Variants in KIAA1549L observed in about 807,000 individuals in gnomAD.
The protein encoded by KIAA1549L is UPF0606 protein KIAA1549L.
Under a neutral mutation model 160.7 loss-of-function variants are expected in KIAA1549L, and 88 were observed. The ratio of observed to expected loss-of-function variants is 0.55; its 90% CI spans 0.46 to 0.65. The LOEUF is 0.65. Ranked by LOEUF, KIAA1549L falls within the 30% of genes least tolerant of loss-of-function variation. The pLI, the probability that KIAA1549L is intolerant of heterozygous loss-of-function variation, is 0.00. For missense variants in KIAA1549L, 2,258 were observed against 2,437.5 expected (o/e 0.93, Z 1.55); for synonymous variants, 950 against 976.7 (o/e 0.97, Z 0.51).
chr11:33,645,975 C>T lies in KIAA1549L; in HGVS notation c.5699C>T (p.Ala1900Val), dbSNP rs2133405929. Residue 1900 changes from alanine to valine, a missense_variant, in exon 17 of 21, where the codon GCC becomes GTC. By Grantham distance (64) the Ala-to-Val change is moderately conservative. This residue lies in a region of KIAA1549L where 1,359 missense variants were observed against 1,546.6 expected (regional missense o/e 0.88). Transcript: ENST00000658780. ...SAPGTMTRPRAGVQWVPTYRP... is the reference protein window; with the variant it reads ...SAPGTMTRPRVGVQWVPTYRP... ...CCGGGGACCATGACGCGGCCCAGGG[C>T]CGGGGTGCAGTGGGTGCCGACCTAC... 6.2e-7 allele frequency: 1 copy of T among 1,611,210 alleles called. No homozygotes were observed. Among genetic ancestry groups the T allele is most frequent in the Non-Finnish European group, 8.5e-7 (1 of 1,178,722 alleles).
chr11:33,530,431 AAAAAAATATATATATATATATATAT>A lies in KIAA1549L; in HGVS notation c.239-11369_239-11345del, dbSNP rs1441582018. ...AGAAGAAGGAAAAAAAAAAAAAAAAAAAAAAATATATATATATATATATATATATATATATATATATATATATATA... is the reference window on the plus strand; with the variant it reads ...AGAAGAAGGAAAAAAAAAAAAAAAAAATATATATATATATATATATATATA... On this transcript the variant is annotated intron_variant, in intron 1 of 20. Coordinates refer to ENST00000658780, the MANE Select transcript of KIAA1549L (RefSeq NM_012194.3). 3.7e-3 allele frequency among the ~76,000 whole-genome samples: 48 copies of A among 12,892 alleles called. 2 individuals carry two copies. The highest frequency in any genetic ancestry group is 0.01 in the African/African-American group (41 of 4,018). The allele number at this position is 12,892 out of a possible 152,430, so 8.5% of individuals were successfully genotyped here.
intron 1 of KIAA1549L, among the ~76,000 whole-genome samples, chr11:33,459,909 C>T (rs1215320777): frequency 1.4e-5 from 2 of 141,476 alleles, no homozygotes; most frequent in African/African-American, 5.4e-5. Context: ...TGCAGTGAGC[C>T]GAGATCCCGC....
intron 1 of KIAA1549L, among the ~76,000 whole-genome samples, chr11:33,535,195 T>C (rs1261563897): frequency 6.6e-6 from 1 of 152,156 alleles, no homozygotes; most frequent in Non-Finnish European, 1.5e-5. Context: ...AAGAGGCTGT[T>C]CATGGTTCCT....
At chr11:33,503,058 A>G (rs1316980754) in intron 1 of KIAA1549L, among the ~76,000 whole-genome samples, 1 of 152,260 alleles carries the variant, frequency 6.6e-6, no homozygotes, top group East Asian at 1.9e-4. Flanking sequence ...CTGTGTAATT[A>G]GCACCTAGAT....
intron 13 of KIAA1549L, among the ~76,000 whole-genome samples, chr11:33,604,797 G>T (rs956673218): frequency 6.6e-6 from 1 of 152,176 alleles, no homozygotes; most frequent in African/African-American, 2.4e-5. Flanking sequence ...TTTGGGGACA[G>T]AGGAGAGGGT....
intron 1 of KIAA1549L, among the ~76,000 whole-genome samples, chr11:33,462,552 A>G (rs896340000): frequency 9.9e-5 from 15 of 152,110 alleles, no homozygotes; most frequent in Non-Finnish European, 2.2e-4. Flanking sequence ...ATCTATGTCC[A>G]TCTTTACTGT....
At chr11:33,520,066 C>A (rs1590306035) in intron 1 of KIAA1549L, among the ~76,000 whole-genome samples, 1 of 152,048 alleles carries the variant, frequency 6.6e-6, no homozygotes, top group East Asian at 1.9e-4. Context: ...AAACCATCAT[C>A]ACTATCCATG....
At chr11:33,423,320 G>C (rs1851056763) in intron 1 of KIAA1549L, among the ~76,000 whole-genome samples, 1 of 152,158 alleles carries the variant, frequency 6.6e-6, no homozygotes. Flanking sequence ...TTATGGTAAA[G>C]CTTGGGTGGA....
chr11:33,542,881 A>C lies in KIAA1549L; in HGVS notation c.1318A>C (p.Thr440Pro). 1 of 1,614,002 alleles carries C rather than the reference A, an allele frequency of 6.2e-7. No homozygotes were observed. Among genetic ancestry groups the C allele is most frequent in the Non-Finnish European group, 8.5e-7 (1 of 1,179,894 alleles). The change falls in exon 2 of 21, where the codon ACT becomes CCT. Residue 440 changes from threonine (T) to proline (P), a missense_variant. Physicochemically the swap from Thr to Pro is conservative, Grantham distance 38. Coordinates refer to ENST00000658780, the MANE Select transcript of KIAA1549L (RefSeq NM_012194.3). ...EMTSRKLASATANDSANPLHL... is the reference protein window; with the variant it reads ...EMTSRKLASAPANDSANPLHL... Reference sequence around the variant, plus strand: ...GACCAGCAGAAAGCTAGCCTCTGCCACTGCAAATGACTCTGCTAACCCGCT... The same window carrying C: ...GACCAGCAGAAAGCTAGCCTCTGCCCCTGCAAATGACTCTGCTAACCCGCT...
chr11:33,564,361 A>G (rs10836074), intron 8 of KIAA1549L, among the ~76,000 whole-genome samples: 42,149 of 152,182 alleles, frequency 0.28, 6,176 homozygotes, highest in Middle Eastern at 0.44. Flanking sequence ...TCTCTTTTCT[A>G]TAGTTTGTAT....
chr11:33,451,504 T>C (rs891509856), intron 1 of KIAA1549L, among the ~76,000 whole-genome samples: 6 of 152,260 alleles, frequency 3.9e-5, no homozygotes, highest in African/African-American at 1.4e-4. Flanking sequence ...ACATTATTTC[T>C]ATTTATTGCA....
intron 15 of KIAA1549L, among the ~76,000 whole-genome samples, chr11:33,610,413 G>A (rs566016395): frequency 2.0e-5 from 3 of 152,276 alleles, no homozygotes; most frequent in East Asian, 3.9e-4. Context: ...CTCCATGCTG[G>A]TTTATCTCAT....
chr11:33,614,529 AAG>A lies in KIAA1549L; in HGVS notation c.5280-4002_5280-4001del, dbSNP rs1564924531. ...TCCTCTTGGGATCTGTGAGTGTAAC[AAG>A]ATATATATATATATATATATATATA... is the stretch of plus-strand genomic sequence containing the variant. On this transcript the variant is annotated intron_variant, in intron 15 of 20. Transcript: ENST00000658780. Among the ~76,000 whole-genome samples, 3 of 39,170 alleles carry A rather than the reference AAG, an allele frequency of 7.7e-5. 1 individual carries two copies. Among genetic ancestry groups the A allele is most frequent in the African/African-American group, 1.9e-4 (3 of 15,858 alleles). The allele number at this position is 39,170 out of a possible 152,430, so 25.7% of individuals were successfully genotyped here.
At chr11:33,507,757 T>C (rs1853125468) in intron 1 of KIAA1549L, among the ~76,000 whole-genome samples, 1 of 152,226 alleles carries the variant, frequency 6.6e-6, no homozygotes, top group Admixed American at 6.5e-5. Context: ...GTTCCTGTTC[T>C]TTATATGCTA....
intron 14 of KIAA1549L, among the ~76,000 whole-genome samples, chr11:33,608,292 C>T (rs143808425): frequency 0.013 from 1,985 of 152,298 alleles, 23 homozygotes; most frequent in Non-Finnish European, 0.019. Flanking sequence ...ACAATAAGCA[C>T]TTTGATGATG....
chr11:33,425,136 T>C (rs1401185776), intron 1 of KIAA1549L, among the ~76,000 whole-genome samples: 6 of 152,244 alleles, frequency 3.9e-5, no homozygotes, highest in African/African-American at 1.2e-4. Context: ...TAATATGTGC[T>C]CTAATTCCAT....
intron 12 of KIAA1549L, among the ~76,000 whole-genome samples, chr11:33,593,551 G>A (rs1170326945): frequency 1.3e-5 from 2 of 152,210 alleles, no homozygotes; most frequent in African/African-American, 2.4e-5. Flanking sequence ...GGCTACTGCC[G>A]TGACCTAGGT....
intron 1 of KIAA1549L, among the ~76,000 whole-genome samples, chr11:33,419,604 G>C (rs1850958488): frequency 6.6e-6 from 1 of 152,040 alleles, no homozygotes; most frequent in South Asian, 2.1e-4. Context: ...CCAGCACTTT[G>C]GGAGGCCGAG....
intron 12 of KIAA1549L, among the ~76,000 whole-genome samples, chr11:33,592,532 T>C (rs1167694304): frequency 6.6e-6 from 1 of 150,416 alleles, no homozygotes; most frequent in Non-Finnish European, 1.5e-5. Flanking sequence ...CATGTCTCCT[T>C]CCTTTCTCCC....
Sources: allele counts gnomAD v4.1 joint callset (sites outside exome capture counted in the v4.1 genomes callset), GRCh38; gene constraint gnomAD v4.1.1; regional missense constraint gnomAD v4.1.1; transcripts MANE v1.5; gene names NCBI Gene and HGNC (gene_info 2026-07-23, HGNC 2026-07-21).